The following GPHN variants were observed in gnomAD, a reference collection of about 807,000 sequenced individuals.
The protein encoded by GPHN is gephyrin.
Under a neutral mutation model 95.5 loss-of-function variants are expected in GPHN, and 17 were observed. The observed-to-expected ratio is 0.18, with a 90% CI of 0.12 to 0.27. The LOEUF is 0.27. Among genes scored for constraint, GPHN ranks in the 10% least tolerant of loss-of-function variants. The pLI is 1.00. For synonymous variants in GPHN, 320 were observed against 322.5 expected, an observed-to-expected ratio of 0.99 and a Z score of 0.08; for missense variants, 660 against 978.1, an observed-to-expected ratio of 0.67 and a Z score of 4.34.
chr14:67,726,079 C>T, the GPHN span: 4 of 1,613,984 alleles, frequency 2.5e-6, no homozygotes, highest in East Asian at 8.9e-5. Context: ...TTCTGATCAA[C>T]AATGCGGGAG....
intron 2 of GPHN, among the ~76,000 whole-genome samples, chr14:66,702,014 C>T (rs1309267710): frequency 6.6e-6 from 1 of 152,186 alleles, no homozygotes; most frequent in Non-Finnish European, 1.5e-5. Flanking sequence ...CCCAACACAC[C>T]AGCTGTGGCA....
intron 4 of GPHN, among the ~76,000 whole-genome samples, chr14:66,852,618 A>T (rs2062636553): frequency 6.6e-6 from 1 of 152,218 alleles, no homozygotes; most frequent in Non-Finnish European, 1.5e-5. Context: ...GCACTCAGAA[A>T]GTTCCCCCAT....
chr14:67,089,862 A>G (rs2077076626), intron 12 of GPHN, among the ~76,000 whole-genome samples: 1 of 152,286 alleles, frequency 6.6e-6, no homozygotes, highest in African/African-American at 2.4e-5. Flanking sequence ...CTAAATTCCA[A>G]TCTAAGAACC....
chr14:67,523,281 A>C, the GPHN span, among the ~76,000 whole-genome samples: 1 of 151,160 alleles, frequency 6.6e-6, no homozygotes, highest in Admixed American at 6.6e-5. Flanking sequence ...CCAAGATGGC[A>C]CCACTGCACT....
At chr14:66,808,156 C>G (rs1432538386) in intron 3 of GPHN, among the ~76,000 whole-genome samples, 1 of 152,078 alleles carries the variant, frequency 6.6e-6, no homozygotes, top group South Asian at 2.1e-4. Context: ...CTTTTCATGT[C>G]TTTATTAGCC....
intron 10 of GPHN, among the ~76,000 whole-genome samples, chr14:67,049,901 G>C (rs1354416121): frequency 6.6e-6 from 1 of 152,166 alleles, no homozygotes; most frequent in Non-Finnish European, 1.5e-5. Context: ...ACATAAAAAG[G>C]TGCTTAATTG....
the GPHN span, among the ~76,000 whole-genome samples, chr14:67,688,942 TGCTGAATG>T: frequency 6.6e-6 from 1 of 152,218 alleles, no homozygotes; most frequent in Non-Finnish European, 1.5e-5. Flanking sequence ...AATACGTGTC[TGCTGAATG>T]GCTGAATGAA....
intron 3 of GPHN, among the ~76,000 whole-genome samples, chr14:66,781,746 A>G (rs2059615497): frequency 6.6e-6 from 1 of 152,146 alleles, no homozygotes; most frequent in Non-Finnish European, 1.5e-5. Flanking sequence ...AAAATACACC[A>G]CTGTACCACA....
chr14:66,950,478 A>G (rs117126565), intron 8 of GPHN, among the ~76,000 whole-genome samples: 1,836 of 152,198 alleles, frequency 0.012, 19 homozygotes, highest in Non-Finnish European at 0.018. Context: ...TGTTCTTTCT[A>G]TTTAAAACAA....
the GPHN span, among the ~76,000 whole-genome samples, chr14:67,448,241 C>T: frequency 2.1e-5 from 3 of 145,840 alleles, no homozygotes; most frequent in East Asian, 2.1e-4. Flanking sequence ...CAGGTTCAAG[C>T]GATTCTCCTG....
intron 13 of GPHN, among the ~76,000 whole-genome samples, chr14:67,106,830 T>C (rs1183049590): frequency 6.6e-6 from 1 of 152,238 alleles, no homozygotes; most frequent in East Asian, 1.9e-4. Flanking sequence ...TTGATTTCCT[T>C]TTCATTGGAG....
In GPHN at chr14:66,708,356, C is replaced by T. The variant is rs899304718; in HGVS notation, c.143+27171C>T. Among the ~76,000 whole-genome samples, 7 of 152,096 alleles carry T rather than the reference C, an allele frequency of 4.6e-5. No individual in the cohort carries two copies. The East Asian group carries it at 9.6e-4, about 21-fold the overall frequency. ...AAAACCTCATAAGGTATTCAATCTC[C>T]ATGCTTCCACAAATGTTTTGGAAAT... On this transcript the variant is annotated intron_variant, in intron 2 of 22. Coordinates refer to ENST00000478722, the MANE Select transcript of GPHN (RefSeq NM_020806.5).
intron 18 of GPHN, among the ~76,000 whole-genome samples, chr14:67,158,080 G>A (rs2081719903): frequency 6.6e-6 from 1 of 152,010 alleles, no homozygotes; most frequent in Non-Finnish European, 1.5e-5. Context: ...GCCGAGACGG[G>A]TGGATCACCT....
chr14:66,588,540 A>G (rs934830868), intron 1 of GPHN, among the ~76,000 whole-genome samples: 3 of 152,268 alleles, frequency 2.0e-5, no homozygotes, highest in South Asian at 2.1e-4. Context: ...AGAGAAGAAC[A>G]TAAGTGACCT....
intron 1 of GPHN, among the ~76,000 whole-genome samples, chr14:66,607,914 C>T (rs2062614654): frequency 6.6e-6 from 1 of 151,904 alleles, no homozygotes; most frequent in South Asian, 2.1e-4. Flanking sequence ...AATGAGAAGT[C>T]TGTCAATCTT....
At chr14:67,597,375 G>A in the GPHN span, among the ~76,000 whole-genome samples, 1 of 152,126 alleles carries the variant, frequency 6.6e-6, no homozygotes, top group African/African-American at 2.4e-5. Context: ...CTACTCAGGT[G>A]GCTGAGATAA....
chr14:66,993,432 C>T lies in GPHN; in HGVS notation c.963+28107C>T, dbSNP rs140242061. The stretch of plus-strand genomic sequence containing the variant: ...ATAAAATATGTTATTAGAGTATTTT[C>T]ATTTAACACATTGCATTTTTCTATT... On this transcript the variant is annotated intron_variant, in intron 9 of 22. Coordinates refer to ENST00000478722, the MANE Select transcript of GPHN (RefSeq NM_020806.5). Among the ~76,000 whole-genome samples the T allele has an allele frequency of 3.1e-3, 471 of 152,214 alleles. 11 individuals are homozygous for T. The highest frequency in any genetic ancestry group is 0.011 in the African/African-American group (446 of 41,548).
In GPHN at chr14:66,571,257, T is replaced by A. The variant is rs369527403; in HGVS notation, c.64+62666T>A. On this transcript the variant is annotated intron_variant, in intron 1 of 22. Transcript: ENST00000478722. Reference sequence around the variant, plus strand: ...CCCCTTAGAAAACCATCAGGCCTTATGAGAACTCACTCACTATCATGAGAA... The same window carrying A: ...CCCCTTAGAAAACCATCAGGCCTTAAGAGAACTCACTCACTATCATGAGAA... Among the ~76,000 whole-genome samples the A allele has an allele frequency of 2.9e-4, 44 of 152,266 alleles. 2 individuals carry two copies. The East Asian group carries it at 7.3e-3, about 25-fold the overall frequency.
chr14:67,398,087 C>T, the GPHN span: 1 of 329,786 alleles, frequency 3.0e-6, no homozygotes, highest in Non-Finnish European at 5.4e-6. Context: ...AAAATCACTT[C>T]CTGTAATCCT....
Sources: gnomAD v4.1 joint callset for allele counts (sites outside exome capture counted in the v4.1 genomes callset) on GRCh38, gnomAD v4.1.1 for gene constraint, MANE v1.5 for transcripts, NCBI Gene and HGNC (gene_info 2026-07-23, HGNC 2026-07-21) for gene names.